Variants in ADGRF5 observed in about 807,000 individuals in gnomAD.
The protein encoded by ADGRF5 is adhesion G protein-coupled receptor F5.
In ADGRF5, 75 loss-of-function variants were observed where a neutral mutation model predicts 132.3. That is an observed-to-expected ratio of 0.57 (90% CI 0.47 to 0.69). ADGRF5 has a LOEUF of 0.69. ADGRF5 is among the 30% of genes least tolerant of loss of function. ADGRF5 has a pLI of 0.00. For synonymous variants in ADGRF5, 629 were observed against 597.6 expected, an observed-to-expected ratio of 1.05 and a Z score of -0.77; for missense variants, 1,516 against 1,630.6, an observed-to-expected ratio of 0.93 and a Z score of 1.21.
At chr6:46,908,542 T>C (rs1365659580) in intron 1 of ADGRF5, among the ~76,000 whole-genome samples, 1 of 152,192 alleles carries the variant, frequency 6.6e-6, no homozygotes, top group Non-Finnish European at 1.5e-5. Context: ...TCCATATCTT[T>C]CTACGATTTC....
chr6:46,916,629 C>G (rs1776437586), intron 1 of ADGRF5, among the ~76,000 whole-genome samples: 1 of 152,210 alleles, frequency 6.6e-6, no homozygotes, highest in African/African-American at 2.4e-5. Flanking sequence ...GCCCCTCGCT[C>G]CTTTCTTCCC....
Position 46,863,300 on chromosome 6 carries a change from T to C in ADGRF5, c.1991-204A>G, listed in dbSNP as rs375757791. 2.1e-4 allele frequency: 142 copies of C among 668,352 alleles called. 1 individual carries two copies. In the African/African-American group the frequency reaches 2.1e-3, roughly 10 times the overall value. The allele number at this position is 668,352 out of a possible 1,614,324, so 41.4% of individuals were successfully genotyped here. A position where few individuals can be genotyped will look rare whatever the true frequency, so the allele number is the denominator to read the frequency against. ...GCTTTCCACATGAACCTGACTTCTG[T>C]AATCGGAACTTCCTTTTCCTAACAG... On this transcript the variant is annotated intron_variant, in intron 14 of 20. Transcript: ENST00000283296.
chr6:46,934,308 A>T (rs568294878), intron 1 of ADGRF5, among the ~76,000 whole-genome samples: 1 of 152,210 alleles, frequency 6.6e-6, no homozygotes, highest in Non-Finnish European at 1.5e-5. Flanking sequence ...GACCATGGAG[A>T]TATCTAGCAG....
intron 1 of ADGRF5, among the ~76,000 whole-genome samples, chr6:46,917,238 CT>C (rs1329596417): frequency 2.3e-4 from 35 of 152,220 alleles, no homozygotes; most frequent in African/African-American, 8.4e-4. Flanking sequence ...TCTCCAAAGT[CT>C]GAACTCTGAC....
chr6:46,941,299 C>A (rs1198717920), intron 1 of ADGRF5, among the ~76,000 whole-genome samples: 1 of 151,328 alleles, frequency 6.6e-6, no homozygotes, highest in Non-Finnish European at 1.5e-5. Flanking sequence ...CACTGCACTC[C>A]AACCTGGGTG....
chr6:46,952,616 G>A (rs911103689), intron 1 of ADGRF5, among the ~76,000 whole-genome samples: 1 of 152,202 alleles, frequency 6.6e-6, no homozygotes, highest in Non-Finnish European at 1.5e-5. Context: ...ATGCTATAGG[G>A]ATTAAAAATA....
chr6:46,854,596 C>G, intron 20 of ADGRF5: 1 of 505,798 alleles, frequency 2.0e-6, no homozygotes, highest in South Asian at 1.5e-5. Context: ...ATCAGCGCAG[C>G]AAGGAAGGCA....
chr6:46,946,806 G>T (rs749019291), intron 1 of ADGRF5, among the ~76,000 whole-genome samples: 3 of 152,196 alleles, frequency 2.0e-5, no homozygotes, highest in Non-Finnish European at 4.4e-5. Flanking sequence ...CCTGAGAGCA[G>T]GCTGTGTGTG....
At chr6:46,918,504 C>A (rs986222681) in intron 1 of ADGRF5, among the ~76,000 whole-genome samples, 2 of 152,048 alleles carry the variant, frequency 1.3e-5, no homozygotes, top group African/African-American at 4.8e-5. Context: ...CTTTTTTTCC[C>A]CTTTCTCTTG....
At chr6:46,933,849 C>G (rs181602046) in intron 1 of ADGRF5, among the ~76,000 whole-genome samples, 1 of 152,280 alleles carries the variant, frequency 6.6e-6, no homozygotes. Context: ...ATTTTTGGAT[C>G]TGAAGCACAG....
intron 1 of ADGRF5, among the ~76,000 whole-genome samples, chr6:46,953,679 A>G (rs1181787524): frequency 1.5e-5 from 2 of 136,176 alleles, no homozygotes; most frequent in East Asian, 4.1e-4. Flanking sequence ...ATATATATAT[A>G]TATATATATA....
At chr6:46,890,368 T>C (rs190576899) in intron 3 of ADGRF5, among the ~76,000 whole-genome samples, 3 of 152,124 alleles carry the variant, frequency 2.0e-5, no homozygotes, top group Admixed American at 1.3e-4. Flanking sequence ...GCTGAGATTA[T>C]AGTCATGAGC....
intron 11 of ADGRF5, among the ~76,000 whole-genome samples, chr6:46,869,825 A>T (rs1290913578): frequency 6.6e-6 from 1 of 152,220 alleles, no homozygotes; most frequent in Non-Finnish European, 1.5e-5. Context: ...CAGGTACCTT[A>T]ATTATAACTA....
In ADGRF5 at chr6:46,858,611, G is replaced by A; in HGVS notation, c.3292C>T (p.Leu1098Phe). The A allele has an allele frequency of 1.2e-6, 2 of 1,614,096 alleles. No individual in the cohort carries two copies. The highest frequency in any genetic ancestry group is 1.7e-6 in the Non-Finnish European group (2 of 1,179,978). The change falls in exon 17 of 21, where the codon CTC becomes TTC. Residue 1098 changes from leucine to phenylalanine, a missense_variant. Transcript: ENST00000283296. ...AATFFIHFFY[L>F]SVFFWMLTLG... ...GTCAGCATCCAGAAGAAGACGCTGA[G>A]GTAGAAGAAGTGGATGAAGAAGGTG...
At chr6:46,879,211 ATAAT>A (rs1266703626) in intron 9 of ADGRF5, among the ~76,000 whole-genome samples, 1 of 151,438 alleles carries the variant, frequency 6.6e-6, no homozygotes, top group Non-Finnish European at 1.5e-5. Flanking sequence ...AATAATGAAA[ATAAT>A]TATATTATAT....
At chr6:46,912,657 A>G (rs969175141) in intron 1 of ADGRF5, among the ~76,000 whole-genome samples, 1 of 152,248 alleles carries the variant, frequency 6.6e-6, no homozygotes, top group Non-Finnish European at 1.5e-5. Context: ...GAAACATGAC[A>G]AAGCCAAGAT....
At chr6:46,935,303 G>A (rs1365966307) in intron 1 of ADGRF5, among the ~76,000 whole-genome samples, 1 of 152,026 alleles carries the variant, frequency 6.6e-6, no homozygotes, top group East Asian at 1.9e-4. Flanking sequence ...GAGCCCAGCC[G>A]ATAATCCTTA....
intron 4 of ADGRF5, among the ~76,000 whole-genome samples, chr6:46,887,522 G>A (rs1260925411): frequency 1.3e-5 from 2 of 152,168 alleles, no homozygotes; most frequent in Non-Finnish European, 2.9e-5. Flanking sequence ...AGTGATAAGG[G>A]AGCTATGACT....
intron 12 of ADGRF5, among the ~76,000 whole-genome samples, 172 bp from the exon 13 acceptor site, chr6:46,867,309 C>T (rs1316536353): frequency 6.6e-6 from 1 of 152,202 alleles, no homozygotes; most frequent in African/African-American, 2.4e-5. Flanking sequence ...CTTCTGGGTT[C>T]TCCATGCACT....
Sources: allele counts gnomAD v4.1 joint callset (sites outside exome capture counted in the v4.1 genomes callset), GRCh38; gene constraint gnomAD v4.1.1; transcripts MANE v1.5; gene names NCBI Gene and HGNC (gene_info 2026-07-23, HGNC 2026-07-21).